Variants in SEM1 observed in about 807,000 individuals in gnomAD.
SEM1 encodes the protein SEM1 26S proteasome subunit.
In SEM1, 3 loss-of-function variants were observed where a neutral mutation model predicts 12.7. The observed-to-expected ratio is 0.24, with a 90% CI of 0.11 to 0.61. The LOEUF (loss-of-function observed/expected upper bound fraction) is 0.61, where lower values mean the gene tolerates loss of function less well. Ranked by LOEUF, SEM1 falls within the 20% of genes least tolerant of loss-of-function variation. The pLI, the probability that SEM1 is intolerant of heterozygous loss-of-function variation, is 0.88. For synonymous variants in SEM1, 30 were observed against 27.8 expected (o/e 1.08, Z -0.25); for missense variants, 59 against 81.3 (o/e 0.73, Z 1.06).
intron 2 of SEM1, among the ~76,000 whole-genome samples, chr7:96,547,620 C>T (rs1004076166): frequency 2.0e-5 from 3 of 152,110 alleles, no homozygotes; most frequent in African/African-American, 7.2e-5. Context: ...GTTTTCACCA[C>T]TAATTTGGTT....
chr7:96,626,147 C>G (rs1808055514), intron 2 of SEM1, among the ~76,000 whole-genome samples: 1 of 152,100 alleles, frequency 6.6e-6, no homozygotes, highest in Non-Finnish European at 1.5e-5. Context: ...TACACATTAA[C>G]CATCCCACCT....
intron 2 of SEM1, among the ~76,000 whole-genome samples, chr7:96,604,667 C>T (rs1807291522): frequency 6.6e-6 from 1 of 151,904 alleles, no homozygotes; most frequent in Non-Finnish European, 1.5e-5. Flanking sequence ...GCCTGTAATC[C>T]CAGCACTTTT....
rs190200949 is a variant in SEM1 at position 96,551,979 on chromosome 7, T to C, written c.171-45281A>G. Among the ~76,000 whole-genome samples the C allele has an allele frequency of 5.3e-5, 8 of 152,294 alleles. No homozygotes were observed. The East Asian group carries it at 1.4e-3, about 26-fold the overall frequency. ...CGCCACCTAATATGCAGTAATTTGTTATGGCAGTCACAAGAAGCTAGTACA... is the reference window on the plus strand; with the variant it reads ...CGCCACCTAATATGCAGTAATTTGTCATGGCAGTCACAAGAAGCTAGTACA... On this transcript the variant is annotated intron_variant and NMD_transcript_variant, in intron 2 of 3. Coordinates refer to the SEM1 transcript ENST00000466986.
At chr7:96,687,239 G>A (rs1490516124), downstream of SEM1, among the ~76,000 whole-genome samples, 1 of 152,100 alleles carries the variant, frequency 6.6e-6, no homozygotes, top group East Asian at 1.9e-4. Context: ...GATTCCTCAG[G>A]GATCTAGAAC....
At chr7:96,664,061 G>A (rs1789093757) in intron 2 of SEM1, 1 of 152,200 alleles carries the variant, frequency 6.6e-6, no homozygotes, top group South Asian at 2.1e-4. Context: ...AAATCAGTGT[G>A]TCATTAGCTC....
At chr7:96,672,403 T>A (rs1324169553), downstream of SEM1, among the ~76,000 whole-genome samples, 1 of 152,176 alleles carries the variant, frequency 6.6e-6, no homozygotes, top group Admixed American at 6.6e-5. Context: ...GAGAAGGCAG[T>A]CGTCCAACAC....
At chr7:96,658,734 T>G (rs1169033695) in intron 2 of SEM1, among the ~76,000 whole-genome samples, 1 of 152,192 alleles carries the variant, frequency 6.6e-6, no homozygotes, top group African/African-American at 2.4e-5. Context: ...CTACTCCCTG[T>G]GCCTCTGATC....
chr7:96,660,248 CCAA>C (rs538589664), intron 2 of SEM1, among the ~76,000 whole-genome samples: 11 of 152,128 alleles, frequency 7.2e-5, no homozygotes, highest in Admixed American at 7.2e-4. Flanking sequence ...CCAGGAAGAT[CCAA>C]CAATTCTAAA....
chr7:96,577,526 A>C (rs1806246313), intron 2 of SEM1, among the ~76,000 whole-genome samples: 1 of 152,122 alleles, frequency 6.6e-6, no homozygotes. Context: ...TGCTATCTTA[A>C]ACTTGGCTCT....
chr7:96,510,572 T>A (rs1190480355), intron 2 of SEM1, among the ~76,000 whole-genome samples: 1 of 152,296 alleles, frequency 6.6e-6, no homozygotes, highest in East Asian at 1.9e-4. Context: ...AACACATGAC[T>A]GTACTTGCTT....
intron 2 of SEM1, among the ~76,000 whole-genome samples, chr7:96,598,421 AG>A (rs920867442): frequency 1.3e-5 from 2 of 151,424 alleles, no homozygotes; most frequent in African/African-American, 4.9e-5. Context: ...CCCCAAATAG[AG>A]GAACAGCTGC....
At chr7:96,670,478 A>T (rs1789286887), downstream of SEM1, among the ~76,000 whole-genome samples, 1 of 152,222 alleles carries the variant, frequency 6.6e-6, no homozygotes, top group Non-Finnish European at 1.5e-5. Flanking sequence ...GTTCAGGTTT[A>T]TTGACAGATG....
At chr7:96,569,968 A>G (rs1413183717) in intron 2 of SEM1, among the ~76,000 whole-genome samples, 1 of 152,008 alleles carries the variant, frequency 6.6e-6, no homozygotes, top group Non-Finnish European at 1.5e-5. Flanking sequence ...TGCTATTATA[A>G]ATAGTGCTGT....
At chr7:96,546,286 T>C (rs1213517198) in intron 2 of SEM1, among the ~76,000 whole-genome samples, 1 of 152,094 alleles carries the variant, frequency 6.6e-6, no homozygotes, top group Non-Finnish European at 1.5e-5. Flanking sequence ...AGAAAATATG[T>C]AAAGAATTAC....
intron 2 of SEM1, among the ~76,000 whole-genome samples, chr7:96,529,914 A>G (rs1422251803): frequency 6.6e-6 from 1 of 152,128 alleles, no homozygotes; most frequent in Non-Finnish European, 1.5e-5. Context: ...GAGCTCTGGG[A>G]ATCCCTGGCT....
intron 2 of SEM1, among the ~76,000 whole-genome samples, chr7:96,531,645 T>C (rs1804646208): frequency 6.7e-6 from 1 of 150,170 alleles, no homozygotes; most frequent in Non-Finnish European, 1.5e-5. Flanking sequence ...TAATTATTCA[T>C]ATGTCTATCA....
Position 96,556,178 on chromosome 7 carries a change from T to C in SEM1, c.171-49480A>G, listed in dbSNP as rs554130832. Among the ~76,000 whole-genome samples, 6 of 152,190 alleles carry C rather than the reference T, an allele frequency of 3.9e-5. No individual in the cohort carries two copies. The South Asian group carries it at 1.2e-3, about 32-fold the overall frequency. On this transcript the variant is annotated intron_variant and NMD_transcript_variant, in intron 2 of 3. Transcript: ENST00000466986. The stretch of plus-strand genomic sequence containing the variant: ...GTCTGTGTCTTTTAATTGGAGCATT[T>C]AGTCCATTTACATTTAAAGTTAATA...
rs752460892 is a variant in SEM1 at position 96,486,350 on chromosome 7, C to G, written c.80G>C (p.Arg27Thr). Residue 27 changes from arginine to threonine, a missense_variant, in exon 2 of 4, where the codon AGG becomes ACG. By Grantham distance (71) the Arg-to-Thr change is moderately conservative. Coordinates refer to the SEM1 transcript ENST00000356686. ...GCTTCTTATGCTGGGTCTCCTCCCC[C>G]TTTTTATGCCATGCTTTCTTCCCAC... is the stretch of plus-strand genomic sequence containing the variant. The G allele has an allele frequency of 1.2e-5, 18 of 1,536,950 alleles. No homozygotes were observed. The highest frequency in any genetic ancestry group is 3.6e-5 in the South Asian group (3 of 84,042).
downstream of SEM1, among the ~76,000 whole-genome samples, chr7:96,685,719 A>C (rs1424882648): frequency 2.0e-5 from 3 of 151,762 alleles, no homozygotes; most frequent in Admixed American, 6.6e-5. Context: ...CGTCTGGTAC[A>C]TAGTAAGCAT....
Sources: gnomAD v4.1 joint callset for allele counts (sites outside exome capture counted in the v4.1 genomes callset) on GRCh38, gnomAD v4.1.1 for gene constraint, MANE v1.5 for transcripts, NCBI Gene and HGNC (gene_info 2026-07-23, HGNC 2026-07-21) for gene names.